TENM2: variants seen among roughly 807,000 people sequenced by gnomAD.
The protein encoded by TENM2 is teneurin-2.
TENM2 carries 52 observed loss-of-function variants against 245.2 expected under a neutral mutation model. The observed-to-expected ratio is 0.21, with a 90% CI of 0.17 to 0.27. The LOEUF (loss-of-function observed/expected upper bound fraction) is 0.27, where lower values mean the gene tolerates loss of function less well. Among genes scored for constraint, TENM2 ranks in the 10% least tolerant of loss-of-function variants. The pLI is 1.00. For missense variants in TENM2, 3,046 were observed against 3,666.8 expected (o/e 0.83, Z 4.37); for synonymous variants, 1,363 against 1,438.9 (o/e 0.95, Z 1.19).
In TENM2 at chr5:168,218,883, T is replaced by G; in HGVS notation, c.4992T>G (p.Asn1664Lys). Residue 1664 changes from asparagine to lysine, a missense_variant, in exon 23 of 29, where the codon AAT (asparagine) becomes AAG (lysine). Asn to Lys is a moderately conservative substitution (Grantham distance 94, BLOSUM62 0). Transcript: ENST00000518659. This position sits in a 1 kb window ranked among gnomAD's most constrained non-coding sequence, Gnocchi z 5.2. ...TCATCACCCTCACCGTGGGCACCAA[T>G]GGAGGCCTCAAAGTCGTGTCCACAC... 1 of 1,613,774 alleles carries G rather than the reference T, an allele frequency of 6.2e-7. No homozygotes were observed. Among genetic ancestry groups the G allele is most frequent in the Non-Finnish European group, 8.5e-7 (1 of 1,179,838 alleles).
At chr5:167,857,402 T>A (rs1771190187) in intron 2 of TENM2, among the ~76,000 whole-genome samples, 1 of 152,228 alleles carries the variant, frequency 6.6e-6, no homozygotes, top group African/African-American at 2.4e-5. Flanking sequence ...TATTAAATTA[T>A]TTCTAGTACA....
intron 2 of TENM2, among the ~76,000 whole-genome samples, chr5:167,514,492 A>T (rs1486745210): frequency 6.6e-6 from 1 of 152,188 alleles, no homozygotes; most frequent in Admixed American, 6.5e-5. Context: ...ATGGTTCGAA[A>T]CTTGGTTAGA....
the TENM2 span, among the ~76,000 whole-genome samples, chr5:167,246,124 G>A: frequency 6.6e-6 from 1 of 152,094 alleles, no homozygotes; most frequent in African/African-American, 2.4e-5. Context: ...TCTCATCTGG[G>A]GATGGCAATT....
rs756718586 is a variant in TENM2 at position 168,118,503 on chromosome 5, C to T, written c.2008+17C>T. On this transcript the variant is annotated intron_variant, in intron 10 of 28. Coordinates refer to ENST00000518659, the Ensembl canonical transcript of TENM2. ...GTGAGGAAGGTAAGCCCGCCGGCCCCGGGGCTAGGCAGCAGTGGAGGGAGG... is the reference window on the plus strand; with the variant it reads ...GTGAGGAAGGTAAGCCCGCCGGCCCTGGGGCTAGGCAGCAGTGGAGGGAGG... 137 of 1,490,500 alleles carry T rather than the reference C, an allele frequency of 9.2e-5. No homozygotes were observed. In the South Asian group the frequency reaches 1.5e-3, roughly 16 times the overall value. The allele number at this position is 1,490,500 out of a possible 1,614,324, so 92.3% of individuals were successfully genotyped here.
intron 2 of TENM2, among the ~76,000 whole-genome samples, chr5:167,841,519 G>A (rs1769516846): frequency 6.6e-6 from 1 of 152,140 alleles, no homozygotes; most frequent in South Asian, 2.1e-4. Flanking sequence ...CCCCACACAA[G>A]CGTGTATATT....
At chr5:167,916,037 T>C (rs983761090) in intron 3 of TENM2, among the ~76,000 whole-genome samples, 3 of 152,170 alleles carry the variant, frequency 2.0e-5, no homozygotes, top group African/African-American at 7.2e-5. Flanking sequence ...AATTTATAGG[T>C]TTGTGATGAG....
At chr5:167,216,945 G>A in the TENM2 span, among the ~76,000 whole-genome samples, 1 of 151,710 alleles carries the variant, frequency 6.6e-6, no homozygotes, top group African/African-American at 2.4e-5. Context: ...AAAGACACCA[G>A]TGAAGCTTTA....
At chr5:167,011,632 G>A in the TENM2 span, among the ~76,000 whole-genome samples, 25 of 152,296 alleles carry the variant, frequency 1.6e-4, no homozygotes, top group East Asian at 4.4e-3. Flanking sequence ...ATGTATACTT[G>A]CCTTGGCAGC....
chr5:167,220,591 T>A, the TENM2 span, among the ~76,000 whole-genome samples: 1 of 152,152 alleles, frequency 6.6e-6, no homozygotes, highest in African/African-American at 2.4e-5. Context: ...TTAAAGAGTT[T>A]CTGCATCACG....
chr5:167,635,220 G>A (rs1198498621), intron 2 of TENM2, among the ~76,000 whole-genome samples: 1 of 152,146 alleles, frequency 6.6e-6, no homozygotes, highest in African/African-American at 2.4e-5. Context: ...GATAATGTGG[G>A]TTTGTGCCTT....
At chr5:168,061,744 A>G (rs756465132) in intron 6 of TENM2, among the ~76,000 whole-genome samples, 6 of 152,192 alleles carry the variant, frequency 3.9e-5, no homozygotes, top group Non-Finnish European at 5.9e-5. Context: ...TTTACATCCC[A>G]GTCACATTTG....
At chr5:167,734,866 C>A (rs1319512846) in intron 2 of TENM2, among the ~76,000 whole-genome samples, 1 of 151,414 alleles carries the variant, frequency 6.6e-6, no homozygotes, top group Non-Finnish European at 1.5e-5. Context: ...CTTCCTTCAT[C>A]TCTCTTTCTC....
chr5:167,126,452 C>G, the TENM2 span, among the ~76,000 whole-genome samples: 1 of 152,088 alleles, frequency 6.6e-6, no homozygotes, highest in Non-Finnish European at 1.5e-5. Flanking sequence ...TTTTCTCCCT[C>G]TAAATGTCCT....
At chr5:167,657,171 A>G (rs889304389) in intron 2 of TENM2, among the ~76,000 whole-genome samples, 2 of 152,032 alleles carry the variant, frequency 1.3e-5, no homozygotes, top group South Asian at 2.1e-4. Context: ...TCTCTATGAG[A>G]TCATGTTTTT....
At chr5:167,766,828 A>C (rs1233778025) in intron 2 of TENM2, among the ~76,000 whole-genome samples, 1 of 152,106 alleles carries the variant, frequency 6.6e-6, no homozygotes, top group Non-Finnish European at 1.5e-5. Flanking sequence ...GCAGTGAGCC[A>C]AGATCGTGCC....
the TENM2 span, among the ~76,000 whole-genome samples, chr5:167,247,622 C>T: frequency 2.0e-5 from 3 of 152,116 alleles, no homozygotes; most frequent in African/African-American, 7.2e-5. Context: ...GCTTCTTCTC[C>T]TCCCCTCCTG....
chr5:167,226,200 G>T, the TENM2 span, among the ~76,000 whole-genome samples: 1,293 of 151,792 alleles, frequency 8.5e-3, 22 homozygotes, highest in African/African-American at 0.029. Flanking sequence ...CTAATTTTGG[G>T]TTTGGTTTAT....
At chr5:166,979,123 C>G in the TENM2 span, among the ~76,000 whole-genome samples, 7 of 150,950 alleles carry the variant, frequency 4.6e-5, no homozygotes, top group African/African-American at 1.5e-4. Flanking sequence ...TCCTGGGTGG[C>G]TCGCAGGCTC....
At chr5:167,085,391 G>A in the TENM2 span, among the ~76,000 whole-genome samples, 1 of 152,116 alleles carries the variant, frequency 6.6e-6, no homozygotes, top group South Asian at 2.1e-4. Flanking sequence ...TCTATTGTTA[G>A]AATATTGTTA....
Sources: gnomAD v4.1 joint callset for allele counts (sites outside exome capture counted in the v4.1 genomes callset) on GRCh38, gnomAD v4.1.1 for gene constraint, Gnocchi (gnomAD v3.1) non-coding constraint, MANE v1.5 for transcripts, NCBI Gene and HGNC (gene_info 2026-07-23, HGNC 2026-07-21) for gene names.